SFMBT2: variants seen among roughly 807,000 people sequenced by gnomAD.
SFMBT2 encodes the protein Scm like with four mbt domains 2.
A neutral mutation model predicts 110.1 loss-of-function variants in SFMBT2; 38 were observed. The ratio of observed to expected loss-of-function variants is 0.35; its 90% CI spans 0.27 to 0.45. The LOEUF is 0.45. SFMBT2 is among the 20% of genes least tolerant of loss of function. The probability of loss-of-function intolerance (pLI) is 1.00; values close to 1 mark genes in which losing one functional copy is unlikely to be tolerated. For synonymous variants in SFMBT2, 425 were observed against 425.4 expected (o/e 1.00, Z 0.01); for missense variants, 1,011 against 1,094.9 (o/e 0.92, Z 1.08).
intron 15 of SFMBT2, among the ~76,000 whole-genome samples, chr10:7,192,833 C>T (rs1379429864): frequency 2.0e-5 from 3 of 152,104 alleles, no homozygotes; most frequent in Non-Finnish European, 4.4e-5. Flanking sequence ...CGGGGCACAC[C>T]GCATTCTGGT....
intron 7 of SFMBT2, among the ~76,000 whole-genome samples, chr10:7,273,257 C>A (rs1457452067): frequency 6.6e-6 from 1 of 152,208 alleles, no homozygotes; most frequent in African/African-American, 2.4e-5. Flanking sequence ...GGACACAATG[C>A]CAAAGTCAGC....
chr10:7,341,667 CAT>C (rs957616036), intron 4 of SFMBT2, among the ~76,000 whole-genome samples: 13 of 152,294 alleles, frequency 8.5e-5, no homozygotes, highest in East Asian at 1.9e-4. Flanking sequence ...TCTACACACA[CAT>C]GTGCAGAATT....
intron 1 of SFMBT2, among the ~76,000 whole-genome samples, chr10:7,392,986 TATATATA>T (rs1845813372): frequency 7.6e-4 from 4 of 5,280 alleles, no homozygotes; most frequent in East Asian, 7.4e-3. Flanking sequence ...GGATAGATTA[TATATATA>T]TATATATATA....
At chr10:7,374,319 C>T (rs905062979) in intron 2 of SFMBT2, among the ~76,000 whole-genome samples, 3 of 151,998 alleles carry the variant, frequency 2.0e-5, no homozygotes, top group Admixed American at 1.3e-4. Flanking sequence ...TCAGAAACTG[C>T]CTGCAGTCAC....
At chr10:7,393,003 AT>A (rs1845816448) in intron 1 of SFMBT2, among the ~76,000 whole-genome samples, 8 of 69,348 alleles carry the variant, frequency 1.2e-4, no homozygotes, top group African/African-American at 7.3e-4. Context: ...ATATATATAT[AT>A]ATATATATAT....
At chr10:7,398,142 G>A (rs574846312) in intron 1 of SFMBT2, among the ~76,000 whole-genome samples, 1 of 152,192 alleles carries the variant, frequency 6.6e-6, no homozygotes, top group South Asian at 2.1e-4. Context: ...TCAATACTAG[G>A]AAATAAGATC....
At chr10:7,231,426 T>C (rs1840109261) in intron 9 of SFMBT2, among the ~76,000 whole-genome samples, 1 of 152,234 alleles carries the variant, frequency 6.6e-6, no homozygotes, top group African/African-American at 2.4e-5. Flanking sequence ...GGGTAATCTT[T>C]ATGGTCCATA....
chr10:7,344,454 G>A (rs867427357), intron 4 of SFMBT2, among the ~76,000 whole-genome samples: 16 of 152,272 alleles, frequency 1.1e-4, no homozygotes, highest in African/African-American at 2.2e-4. Context: ...CATGTAAGAC[G>A]TGCCTTTCTC....
rs1469360457 is a variant in SFMBT2 at position 7,227,868 on chromosome 10, A to G, written c.1190T>C (p.Phe397Ser). The change falls in exon 10 of 21, where the codon TTC (phenylalanine) becomes TCC (serine). Residue 397 changes from phenylalanine (F) to serine (S), a missense_variant. Physicochemically the swap from Phe to Ser is radical, Grantham distance 155. Transcript: ENST00000397167. ...GAAGCTTCTTACATTTCGGAAGCAGAAGGGAGGGGCTTCCTGCGCCCCATG... is the reference window on the plus strand; with the variant it reads ...GAAGCTTCTTACATTTCGGAAGCAGGAGGGAGGGGCTTCCTGCGCCCCATG... ...KQHGAQEAPP[F>S]CFRNTSFSRG... The G allele has an allele frequency of 1.2e-6, 2 of 1,609,322 alleles. No individual in the cohort carries two copies. Among genetic ancestry groups the G allele is most frequent in the South Asian group, 2.2e-5 (2 of 89,778 alleles).
At chr10:7,394,623 C>A (rs1325531785) in intron 1 of SFMBT2, among the ~76,000 whole-genome samples, 1 of 151,688 alleles carries the variant, frequency 6.6e-6, no homozygotes, top group Non-Finnish European at 1.5e-5. Flanking sequence ...TCTCCCCTGT[C>A]ATTAATAATG....
chr10:7,264,937 GAAAA>G (rs35999336), intron 7 of SFMBT2, among the ~76,000 whole-genome samples: 2 of 95,228 alleles, frequency 2.1e-5, no homozygotes, highest in African/African-American at 3.3e-5. Flanking sequence ...TAAAAAAGAG[GAAAA>G]AAAAAAAAAA....
At chr10:7,226,546 C>A (rs750058284) in intron 10 of SFMBT2, among the ~76,000 whole-genome samples, 1 of 152,230 alleles carries the variant, frequency 6.6e-6, no homozygotes, top group Non-Finnish European at 1.5e-5. Flanking sequence ...ACTGTTGTTA[C>A]AGATCTCAAG....
At chr10:7,356,942 T>C (rs985299863) in intron 4 of SFMBT2, among the ~76,000 whole-genome samples, 6 of 152,156 alleles carry the variant, frequency 3.9e-5, no homozygotes, top group Non-Finnish European at 8.8e-5. Context: ...CCACTTCGTA[T>C]TGGTTTTCAA....
chr10:7,206,087 TTTAGAGGAGTC>T (rs1394952104), intron 11 of SFMBT2, 159 bp from the exon 12 acceptor site: 1 of 985,268 alleles, frequency 1.0e-6, no homozygotes, highest in African/African-American at 1.7e-5. Context: ...AAGAGATGAC[TTTAGAGGAGTC>T]TTTAATCTTA....
At position 7,241,987 on chromosome 10, in the gene SFMBT2, A is replaced by G. The variant is rs189686232; in HGVS notation, c.1120+1571T>C. Among the ~76,000 whole-genome samples the G allele has an allele frequency of 1.1e-4, 17 of 152,364 alleles. No individual in the cohort carries two copies. In the East Asian group the frequency reaches 1.3e-3, roughly 12 times the overall value. ...CAAAGTCTAACCAAGTAGCATTTAC[A>G]TATCTAGAAAAAGTTTTCCTTCAAT... On this transcript the variant is annotated intron_variant, in intron 9 of 20. Coordinates refer to ENST00000397167, the MANE Select transcript of SFMBT2 (RefSeq NM_001387889.1).
chr10:7,315,101 A>AAAGG lies in SFMBT2; in HGVS notation c.437-29148_437-29147insCCTT, dbSNP rs1564435610. ...GAAAGAAAGAAAGAAAGAAAGAAAG[A>AAAGG]AAGAAAGAAAAAGCAAGCAAGCAAG... is the stretch of plus-strand genomic sequence containing the variant. On this transcript the variant is annotated intron_variant, in intron 4 of 20. Transcript: ENST00000397167. 5.5e-5 allele frequency among the ~76,000 whole-genome samples: 8 copies of AAAGG among 146,170 alleles called. 1 individual carries two copies. Among genetic ancestry groups the AAAGG allele is most frequent in the African/African-American group, 2.0e-4 (8 of 39,808 alleles).
Position 7,276,967 on chromosome 10 carries a change from G to GT in SFMBT2, c.794_795insA (p.Ser266LeufsTer2). 2 of 872,758 alleles carry GT rather than the reference G, an allele frequency of 2.3e-6. No homozygotes were observed. Among genetic ancestry groups the GT allele is most frequent in the Non-Finnish European group, 4.0e-6 (2 of 501,546 alleles). 54.1% of individuals were successfully genotyped at this position (872,758 alleles called of 1,614,324 possible). A position where few individuals can be genotyped will look rare whatever the true frequency, so the allele number is the denominator to read the frequency against. On this transcript the variant is annotated frameshift_variant, in exon 7 of 21. Coordinates refer to ENST00000397167, the MANE Select transcript of SFMBT2 (RefSeq NM_001387889.1). LOFTEE classifies it high-confidence loss of function. ...TTTCCAGAGTACATTTCCATTCAGA[G>GT]GCCATCTTCAAAGGATAGATTTCTG...
At chr10:7,246,164 G>A (rs1027732846) in intron 8 of SFMBT2, 14 of 984,782 alleles carry the variant, frequency 1.4e-5, no homozygotes, top group African/African-American at 1.4e-4. Context: ...GAAACGGCAT[G>A]ACTTATTTTA....
In SFMBT2 at chr10:7,392,135, G is replaced by A. The variant is rs541122047; in HGVS notation, c.-51-10186C>T. Among the ~76,000 whole-genome samples, 220 of 152,276 alleles carry A rather than the reference G, an allele frequency of 1.4e-3. 1 individual carries two copies. Among genetic ancestry groups the A allele is most frequent in the African/African-American group, 5.2e-3 (217 of 41,554 alleles). On this transcript the variant is annotated intron_variant, in intron 1 of 20. Coordinates refer to ENST00000397167, the MANE Select transcript of SFMBT2 (RefSeq NM_001387889.1). ...AGGCTCATGACCCCCCTGAAAACAT[G>A]CTCTCAAGTCCGCTAAGCTGGTTTA...
Sources: gnomAD v4.1 joint callset for allele counts (sites outside exome capture counted in the v4.1 genomes callset) on GRCh38, gnomAD v4.1.1 for gene constraint, MANE v1.5 for transcripts, NCBI Gene and HGNC (gene_info 2026-07-23, HGNC 2026-07-21) for gene names.